Variants in CTNNA3 observed in about 807,000 individuals in gnomAD.
CTNNA3 encodes the protein catenin alpha-3.
A neutral mutation model predicts 95.7 loss-of-function variants in CTNNA3; 76 were observed. That is an observed-to-expected ratio of 0.79 (90% CI 0.66 to 0.96). The LOEUF is 0.96. CTNNA3 is among the 40% of genes least tolerant of loss of function. The probability of loss-of-function intolerance (pLI) is 0.00; values close to 1 mark genes in which losing one functional copy is unlikely to be tolerated. For synonymous variants in CTNNA3, 431 were observed against 374.4 expected, an observed-to-expected ratio of 1.15 and a Z score of -1.74; for missense variants, 1,191 against 1,089.8, an observed-to-expected ratio of 1.09 and a Z score of -1.31.
chr10:67,725,110 C>T (rs1259219507), intron 1 of CTNNA3, among the ~76,000 whole-genome samples: 2 of 151,840 alleles, frequency 1.3e-5, no homozygotes, highest in South Asian at 2.1e-4. Context: ...ACAACGGATT[C>T]GTAGTTCTCC....
Position 67,143,425 on chromosome 10 carries a change from TAA to T in CTNNA3, c.1047+36890_1047+36891del, listed in dbSNP as rs61603392. 1.9e-3 allele frequency among the ~76,000 whole-genome samples: 142 copies of T among 75,970 alleles called. 10 individuals are homozygous for T. In the Middle Eastern group the frequency reaches 0.033, roughly 18 times the overall value. 49.8% of individuals were successfully genotyped at this position (75,970 alleles called of 152,430 possible). On this transcript the variant is annotated intron_variant, in intron 7 of 17. Transcript: ENST00000433211. ...TGGGTGACTGAGCAAGGCTCTGTCT[TAA>T]AAAAAAAAAAAAAAAAAAAATTATC...
At chr10:67,507,998 G>A (rs980633298) in intron 5 of CTNNA3, among the ~76,000 whole-genome samples, 1 of 152,052 alleles carries the variant, frequency 6.6e-6, no homozygotes, top group Non-Finnish European at 1.5e-5. Flanking sequence ...TAGAAGGAAT[G>A]TATTTCCTTT....
Position 67,483,767 on chromosome 10 carries a change from AAT to A in CTNNA3, c.579+38073_579+38074del, listed in dbSNP as rs1491028638. ...AAAACTTAAAGTATAATAATAAAAAAATAAAAATTAAAAAAAAAAACAAAAAA... is the reference window on the plus strand; with the variant it reads ...AAAACTTAAAGTATAATAATAAAAAAAAAAATTAAAAAAAAAAACAAAAAA... On this transcript the variant is annotated intron_variant, in intron 5 of 17. Transcript: ENST00000433211. Among the ~76,000 whole-genome samples the A allele has an allele frequency of 2.7e-3, 392 of 146,000 alleles. 2 individuals carry two copies. The highest frequency in any genetic ancestry group is 1.0e-2 in the African/African-American group (372 of 37,360).
chr10:66,711,398 T>C (rs1305732771), intron 9 of CTNNA3, among the ~76,000 whole-genome samples: 1 of 152,004 alleles, frequency 6.6e-6, no homozygotes, highest in African/African-American at 2.4e-5. Context: ...TGAATTTAAG[T>C]ACTTGAACTC....
chr10:66,629,321 G>T (rs190939583), intron 9 of CTNNA3, among the ~76,000 whole-genome samples: 2 of 151,978 alleles, frequency 1.3e-5, no homozygotes, highest in African/African-American at 4.8e-5. Context: ...GCTACAGGTC[G>T]CCTGGATAAT....
At chr10:66,770,440 G>C (rs1840043547) in intron 8 of CTNNA3, among the ~76,000 whole-genome samples, 1 of 152,144 alleles carries the variant, frequency 6.6e-6, no homozygotes, top group African/African-American at 2.4e-5. Context: ...TGAAGTTAGT[G>C]GGAGGCCAAT....
chr10:66,157,491 G>GTAGA (rs34507083), intron 13 of CTNNA3, among the ~76,000 whole-genome samples: 1,603 of 147,460 alleles, frequency 0.011, 13 homozygotes, highest in East Asian at 0.013. Flanking sequence ...AGATAGATAT[G>GTAGA]TAGATAGATA....
intron 2 of CTNNA3, among the ~76,000 whole-genome samples, chr10:67,609,288 A>T (rs1387478211): frequency 6.6e-6 from 1 of 152,176 alleles, no homozygotes; most frequent in Non-Finnish European, 1.5e-5. Flanking sequence ...GCTGCATGTC[A>T]TGAAACAGTG....
At chr10:67,282,972 T>C (rs538640083) in intron 5 of CTNNA3, among the ~76,000 whole-genome samples, 4 of 152,258 alleles carry the variant, frequency 2.6e-5, no homozygotes, top group South Asian at 2.1e-4. Flanking sequence ...AAATAGTCTA[T>C]GTAAAAACAG....
chr10:66,996,386 C>T (rs1238166076), intron 7 of CTNNA3, among the ~76,000 whole-genome samples: 2 of 152,126 alleles, frequency 1.3e-5, no homozygotes, highest in Non-Finnish European at 2.9e-5. Flanking sequence ...TGGCTCACGC[C>T]TGTAATCCTA....
rs1235694998 is a variant in CTNNA3, at chr10:67,240,324, C to T, written c.580-20454G>A. Among the ~76,000 whole-genome samples, 3 of 152,302 alleles carry T rather than the reference C, an allele frequency of 2.0e-5. No individual in the cohort carries two copies. In the East Asian group the frequency reaches 5.8e-4, roughly 29 times the overall value. On this transcript the variant is annotated intron_variant, in intron 5 of 17. Coordinates refer to ENST00000433211, the MANE Select transcript of CTNNA3 (RefSeq NM_013266.4). ...ACCAATTGCTTCACTGGTCATTGGG[C>T]AGCTTCATGTTCTATTAGGAAACAA...
At chr10:66,463,014 A>T (rs2093539824) in intron 11 of CTNNA3, among the ~76,000 whole-genome samples, 1 of 152,160 alleles carries the variant, frequency 6.6e-6, no homozygotes, top group Admixed American at 6.6e-5. Flanking sequence ...TATTAAATTG[A>T]TATTTCCTAT....
chr10:67,698,742 A>AT (rs538446910), upstream of CTNNA3, among the ~76,000 whole-genome samples: 595 of 151,990 alleles, frequency 3.9e-3, 7 homozygotes, highest in African/African-American at 0.014. Context: ...AATTAAAACC[A>AT]TTTTTTTCAA....
chr10:66,176,826 G>A (rs755948399), intron 13 of CTNNA3, among the ~76,000 whole-genome samples: 1 of 151,902 alleles, frequency 6.6e-6, no homozygotes, highest in South Asian at 2.1e-4. Flanking sequence ...TAAGCTACAC[G>A]GTTTATGGCA....
At chr10:66,282,910 T>G (rs4630184) in intron 12 of CTNNA3, among the ~76,000 whole-genome samples, 56,214 of 151,524 alleles carry the variant, frequency 0.37, 10,505 homozygotes, top group East Asian at 0.43. Flanking sequence ...ATGAATGAAT[T>G]AATTAATTAA....
intron 5 of CTNNA3, among the ~76,000 whole-genome samples, chr10:67,497,241 G>C (rs1230210590): frequency 1.3e-5 from 2 of 152,110 alleles, no homozygotes; most frequent in Non-Finnish European, 2.9e-5. Flanking sequence ...CTTCATCCAT[G>C]TCCCTCCAAA....
At chr10:66,643,696 G>A (rs927354581) in intron 9 of CTNNA3, among the ~76,000 whole-genome samples, 5 of 152,150 alleles carry the variant, frequency 3.3e-5, no homozygotes, top group African/African-American at 1.2e-4. Flanking sequence ...GCTGCAAACC[G>A]AAGGTTACTA....
intron 13 of CTNNA3, among the ~76,000 whole-genome samples, chr10:66,236,711 A>C (rs1194613350): frequency 6.6e-6 from 1 of 152,070 alleles, no homozygotes; most frequent in African/African-American, 2.4e-5. Flanking sequence ...AAGAAAAAAT[A>C]TTTTTCCAGG....
Position 66,681,802 on chromosome 10 carries a change from A to AT in CTNNA3, c.1282-60019dup, listed in dbSNP as rs546419383. Among the ~76,000 whole-genome samples, 558 of 152,054 alleles carry AT rather than the reference A, an allele frequency of 3.7e-3. 1 individual carries two copies. The highest frequency in any genetic ancestry group is 6.8e-3 in the Non-Finnish European group (461 of 67,980). The stretch of plus-strand genomic sequence containing the variant: ...TAAGACTGATTTTAACCTAAAACTG[A>AT]TTTTTTCTTTTCATGTATACAAGAT... On this transcript the variant is annotated intron_variant, in intron 9 of 17. Coordinates refer to ENST00000433211, the MANE Select transcript of CTNNA3 (RefSeq NM_013266.4).
Sources: gnomAD v4.1 joint callset for allele counts (sites outside exome capture counted in the v4.1 genomes callset) on GRCh38, gnomAD v4.1.1 for gene constraint, MANE v1.5 for transcripts, NCBI Gene and HGNC (gene_info 2026-07-23, HGNC 2026-07-21) for gene names.